Variants in LRP1B observed in about 807,000 individuals in gnomAD.
LRP1B encodes the protein low-density lipoprotein receptor-related protein 1B.
Under a neutral mutation model 556.6 loss-of-function variants are expected in LRP1B, and 217 were observed. The observed-to-expected ratio is 0.39, with a 90% CI of 0.35 to 0.44. The LOEUF is 0.44. LRP1B is among the 20% of genes least tolerant of loss of function. LRP1B has a pLI of 1.00. For missense variants in LRP1B, 5,053 were observed against 5,620.8 expected, an observed-to-expected ratio of 0.90 and a Z score of 3.23; for synonymous variants, 2,047 against 1,865.8, an observed-to-expected ratio of 1.10 and a Z score of -2.50.
intron 2 of LRP1B, among the ~76,000 whole-genome samples, chr2:141,554,706 C>T (rs1326817840): frequency 3.9e-5 from 6 of 152,008 alleles, no homozygotes; most frequent in Admixed American, 2.6e-4. Context: ...TATAAATATT[C>T]TCACATATAC....
intron 5 of LRP1B, among the ~76,000 whole-genome samples, chr2:141,238,207 C>T (rs1325768570): frequency 6.6e-6 from 1 of 152,106 alleles, no homozygotes; most frequent in Non-Finnish European, 1.5e-5. Context: ...CTAATGGCTG[C>T]TTTAAAAATC....
At chr2:141,265,935 C>T (rs1390533973) in intron 3 of LRP1B, among the ~76,000 whole-genome samples, 2 of 152,212 alleles carry the variant, frequency 1.3e-5, no homozygotes, top group African/African-American at 2.4e-5. Flanking sequence ...TACGTCCTAC[C>T]TCTCCTTTAG....
chr2:141,580,537 T>C (rs1469862992), intron 2 of LRP1B, among the ~76,000 whole-genome samples: 1 of 151,992 alleles, frequency 6.6e-6, no homozygotes, highest in African/African-American at 2.4e-5. Flanking sequence ...GCTCCAAATA[T>C]GTGAGGACAA....
At chr2:141,566,870 T>A (rs559259069) in intron 2 of LRP1B, among the ~76,000 whole-genome samples, 2 of 152,078 alleles carry the variant, frequency 1.3e-5, no homozygotes, top group Admixed American at 1.3e-4. Context: ...TTAAAAAAAA[T>A]TAAAAATAAA....
intron 1 of LRP1B, among the ~76,000 whole-genome samples, chr2:142,096,521 TG>T (rs1160393278): frequency 6.6e-6 from 1 of 151,534 alleles, no homozygotes; most frequent in East Asian, 1.9e-4. Context: ...TGAATCTATT[TG>T]TTCCACTAAA....
chr2:141,464,606 A>ATATTTTTTTTTTTTTTTTTTTTTTTTT, intron 3 of LRP1B, among the ~76,000 whole-genome samples: 7 of 90,562 alleles, frequency 7.7e-5, no homozygotes, highest in Non-Finnish European at 8.9e-5. Flanking sequence ...ATATATATAT[A>ATATTTTTTTTTTTTTTTTTTTTTTTTT]TTTTTTTAGT....
intron 18 of LRP1B, among the ~76,000 whole-genome samples, chr2:140,969,166 A>G (rs1031868903): frequency 6.6e-6 from 1 of 152,176 alleles, no homozygotes; most frequent in Non-Finnish European, 1.5e-5. Context: ...TGGGAGTCTA[A>G]GTCTCTTTGT....
intron 1 of LRP1B, among the ~76,000 whole-genome samples, chr2:141,822,954 A>G (rs530630728): frequency 1.3e-5 from 2 of 152,292 alleles, no homozygotes; most frequent in African/African-American, 4.8e-5. Context: ...ATAGATTAAC[A>G]CATTCCGTGA....
At chr2:140,244,184 TTG>T (rs1681062344) in intron 87 of LRP1B, among the ~76,000 whole-genome samples, 1 of 151,206 alleles carries the variant, frequency 6.6e-6, no homozygotes, top group African/African-American at 2.4e-5. Context: ...CATTATTTTG[TTG>T]TGTTTTTCAG....
chr2:141,343,460 AT>A (rs1314547250), intron 3 of LRP1B, among the ~76,000 whole-genome samples: 1 of 152,190 alleles, frequency 6.6e-6, no homozygotes, highest in African/African-American at 2.4e-5. Flanking sequence ...ACACAAGATA[AT>A]GTGATTCACG....
At chr2:141,964,259 G>A (rs1236693426) in intron 1 of LRP1B, among the ~76,000 whole-genome samples, 1 of 150,836 alleles carries the variant, frequency 6.6e-6, no homozygotes, top group Non-Finnish European at 1.5e-5. Context: ...ATGTTCATAT[G>A]GAACCAAAAA....
chr2:141,410,950 A>AT (rs201736346), intron 3 of LRP1B, among the ~76,000 whole-genome samples: 199 of 151,232 alleles, frequency 1.3e-3, no homozygotes, highest in Non-Finnish European at 2.3e-3. Flanking sequence ...AATGCACTTT[A>AT]TTTTTTTTTA....
At chr2:140,374,573 T>C (rs1218642811) in intron 68 of LRP1B, among the ~76,000 whole-genome samples, 1 of 152,166 alleles carries the variant, frequency 6.6e-6, no homozygotes, top group Admixed American at 6.6e-5. Flanking sequence ...GAAAGAGATG[T>C]CATATGTTTT....
At chr2:141,370,665 T>C (rs1189689845) in intron 3 of LRP1B, among the ~76,000 whole-genome samples, 1 of 152,164 alleles carries the variant, frequency 6.6e-6, no homozygotes, top group Non-Finnish European at 1.5e-5. Flanking sequence ...CCCATTTGTC[T>C]ATTTTTTGTT....
chr2:140,699,191 C>T (rs570045583), intron 41 of LRP1B, among the ~76,000 whole-genome samples: 29 of 151,968 alleles, frequency 1.9e-4, no homozygotes, highest in African/African-American at 5.1e-4. Context: ...TATTAAAAAA[C>T]GATTAAATAA....
chr2:141,513,861 C>T (rs1023863396), intron 2 of LRP1B, among the ~76,000 whole-genome samples: 4 of 152,140 alleles, frequency 2.6e-5, no homozygotes, highest in East Asian at 1.9e-4. Context: ...CTGGACTGGT[C>T]GTGGAGGAAG....
At chr2:141,277,050 C>G (rs1307321750) in intron 3 of LRP1B, among the ~76,000 whole-genome samples, 1 of 152,156 alleles carries the variant, frequency 6.6e-6, no homozygotes, top group East Asian at 1.9e-4. Flanking sequence ...TCATGGGCAT[C>G]TAGGTTGATT....
At chr2:141,758,463 T>C (rs549123248) in intron 2 of LRP1B, among the ~76,000 whole-genome samples, 2 of 152,250 alleles carry the variant, frequency 1.3e-5, no homozygotes, top group South Asian at 2.1e-4. Flanking sequence ...AAATAAAATA[T>C]ATACATATAT....
intron 7 of LRP1B, among the ~76,000 whole-genome samples, chr2:141,132,060 C>T (rs72992718): frequency 0.024 from 3,715 of 152,022 alleles, 153 homozygotes; most frequent in African/African-American, 0.084. Context: ...TGGCTTAACT[C>T]CCACTTATGA....
Sources: gnomAD v4.1 joint callset for allele counts (sites outside exome capture counted in the v4.1 genomes callset) on GRCh38, gnomAD v4.1.1 for gene constraint, MANE v1.5 for transcripts, NCBI Gene and HGNC (gene_info 2026-07-23, HGNC 2026-07-21) for gene names.